The following SLCO3A1 variants were observed in gnomAD, a reference collection of about 807,000 sequenced individuals.
SLCO3A1 encodes PGE1 transporter.
A neutral mutation model predicts 63.1 loss-of-function variants in SLCO3A1; 27 were observed. The ratio of observed to expected loss-of-function variants is 0.43; its 90% CI spans 0.32 to 0.59. The LOEUF (loss-of-function observed/expected upper bound fraction) is 0.59. SLCO3A1 is among the 20% of genes least tolerant of loss of function. The probability of loss-of-function intolerance (pLI) is 0.09; values close to 1 mark genes in which losing one functional copy is unlikely to be tolerated. For synonymous variants in SLCO3A1, 473 were observed against 409.9 expected (o/e 1.15, Z -1.86); for missense variants, 773 against 945.8 (o/e 0.82, Z 2.40).
chr15:92,061,920 G>T (rs1389788751), intron 2 of SLCO3A1, among the ~76,000 whole-genome samples: 1 of 152,240 alleles, frequency 6.6e-6, no homozygotes, highest in Non-Finnish European at 1.5e-5. Flanking sequence ...TACAGGGCAA[G>T]ATCTGGATTT....
At chr15:92,023,531 G>C (rs1333297108) in intron 2 of SLCO3A1, among the ~76,000 whole-genome samples, 1 of 151,736 alleles carries the variant, frequency 6.6e-6, no homozygotes, top group East Asian at 1.9e-4. Context: ...TGCAGTGGTG[G>C]GATCTCAGCT....
Position 91,853,981 on chromosome 15 carries a change from A to C in SLCO3A1, c.73A>C (p.Arg25=), listed in dbSNP as rs1420300802. The C allele has an allele frequency of 3.9e-6, 6 of 1,522,258 alleles. No homozygotes were observed. Among genetic ancestry groups the C allele is most frequent in the Admixed American group, 2.0e-5 (1 of 49,552 alleles). 94.3% of individuals were successfully genotyped at this position (1,522,258 alleles called of 1,614,324 possible). A position where few individuals can be genotyped will look rare whatever the true frequency, so the allele number is the denominator to read the frequency against. The change falls in exon 1 of 10, where the codon AGG becomes CGG. Residue 25 remains arginine (R), a synonymous_variant. Transcript: ENST00000318445. ...CGAGCTGCAGGGGGACGAGGCGCAG[A>C]GGAACAAGAAAAAGAAAAAGAAGGT... ...SGELQGDEAQ[R]NKKKKKKVSC...
Position 91,941,414 on chromosome 15 carries a change from G to A in SLCO3A1, c.646+24956G>A. On this transcript the variant is annotated intron_variant, in intron 2 of 9. Transcript: ENST00000318445. This position sits in a 1 kb window ranked among gnomAD's most constrained non-coding sequence, Gnocchi z 4.4. ...GCCACCCAGCAGATCTGTGTCACGGGAGTGGCGCTGTCACTCGTTGAGGTG... is the reference window on the plus strand; with the variant it reads ...GCCACCCAGCAGATCTGTGTCACGGAAGTGGCGCTGTCACTCGTTGAGGTG... 1 of 406,522 alleles carries A rather than the reference G, an allele frequency of 2.5e-6. No individual in the cohort carries two copies. Among genetic ancestry groups the A allele is most frequent in the Admixed American group, 2.9e-5 (1 of 34,344 alleles). The allele number at this position is 406,522 out of a possible 1,614,324, so 25.2% of individuals were successfully genotyped here.
intron 1 of SLCO3A1, among the ~76,000 whole-genome samples, chr15:91,879,829 C>A (rs1053473850): frequency 1.3e-5 from 2 of 152,178 alleles, no homozygotes; most frequent in Non-Finnish European, 2.9e-5. Context: ...TCAATTCTGA[C>A]ATGCAACCAA....
chr15:91,879,110 G>A (rs12594215), intron 1 of SLCO3A1, among the ~76,000 whole-genome samples: 17,461 of 152,150 alleles, frequency 0.11, 2,724 homozygotes, highest in African/African-American at 0.36. Context: ...GGGTAAGCAC[G>A]CTGAATTCGG....
At chr15:91,964,677 G>A (rs972753048) in intron 2 of SLCO3A1, among the ~76,000 whole-genome samples, 1 of 152,156 alleles carries the variant, frequency 6.6e-6, no homozygotes, top group African/African-American at 2.4e-5. Flanking sequence ...TAGAGAAAGA[G>A]AGTTGAGCAG....
chr15:91,905,740 G>A (rs1409360209), intron 1 of SLCO3A1, among the ~76,000 whole-genome samples: 1 of 151,958 alleles, frequency 6.6e-6, no homozygotes, highest in Non-Finnish European at 1.5e-5. Context: ...ACTTATAAAA[G>A]TCTTGTAAAG....
At chr15:91,981,774 G>A (rs1478169639) in intron 2 of SLCO3A1, among the ~76,000 whole-genome samples, 2 of 152,186 alleles carry the variant, frequency 1.3e-5, no homozygotes, top group Admixed American at 1.3e-4. Flanking sequence ...CTGCCACAGA[G>A]TGTGGACATC....
At chr15:91,949,959 A>G (rs1431416654) in intron 2 of SLCO3A1, among the ~76,000 whole-genome samples, 4 of 152,186 alleles carry the variant, frequency 2.6e-5, no homozygotes, top group Admixed American at 1.3e-4. Flanking sequence ...GTGAGCCCTC[A>G]TGGTGCTACT....
intron 6 of SLCO3A1, among the ~76,000 whole-genome samples, chr15:92,128,082 G>A (rs1340994764): frequency 6.6e-6 from 1 of 152,114 alleles, no homozygotes; most frequent in Non-Finnish European, 1.5e-5. Context: ...GGGCTGGAGT[G>A]GACTCAGCTC....
At chr15:92,171,719 G>A in intron 10 of SLCO3A1, 2 of 1,198,434 alleles carry the variant, frequency 1.7e-6, no homozygotes, top group East Asian at 2.5e-5. Context: ...CAAACAGTAG[G>A]TGAAGCAGAA....
chr15:92,166,070 G>GT (rs1020432277), downstream of SLCO3A1, among the ~76,000 whole-genome samples: 4 of 152,050 alleles, frequency 2.6e-5, no homozygotes, highest in Admixed American at 1.3e-4. Flanking sequence ...GTTTTGTTTT[G>GT]TTTTTCTACC....
intron 2 of SLCO3A1, among the ~76,000 whole-genome samples, chr15:92,090,171 T>G (rs560781498): frequency 6.6e-6 from 1 of 152,364 alleles, no homozygotes; most frequent in East Asian, 1.9e-4. Context: ...ATTTCCACAC[T>G]TGGTTTTCTC....
At chr15:91,965,866 G>A (rs1309574126) in intron 2 of SLCO3A1, among the ~76,000 whole-genome samples, 1 of 152,114 alleles carries the variant, frequency 6.6e-6, no homozygotes, top group Non-Finnish European at 1.5e-5. Flanking sequence ...AGTCGATTGA[G>A]CCAGTCCAGC....
chr15:91,997,121 G>A (rs543108970), intron 2 of SLCO3A1, among the ~76,000 whole-genome samples: 1 of 152,114 alleles, frequency 6.6e-6, no homozygotes, highest in African/African-American at 2.4e-5. Flanking sequence ...CCACCCGAAG[G>A]TCCCTGGAAA....
At chr15:92,050,771 C>G (rs761482707) in intron 2 of SLCO3A1, among the ~76,000 whole-genome samples, 9 of 152,162 alleles carry the variant, frequency 5.9e-5, no homozygotes, top group Non-Finnish European at 1.2e-4. Context: ...AGGATAGAAC[C>G]CTGACTGCTT....
intron 2 of SLCO3A1, among the ~76,000 whole-genome samples, chr15:92,084,778 C>A (rs1205404522): frequency 6.6e-6 from 1 of 152,198 alleles, no homozygotes; most frequent in Non-Finnish European, 1.5e-5. Flanking sequence ...CCATGCTACA[C>A]TTTGACAAAG....
intron 2 of SLCO3A1, among the ~76,000 whole-genome samples, chr15:91,949,163 A>T (rs1048915766): frequency 6.6e-6 from 1 of 152,142 alleles, no homozygotes. Flanking sequence ...CTGCACACAG[A>T]TAACTCTGAC....
At chr15:92,136,512 C>G (rs1274967739) in intron 7 of SLCO3A1, among the ~76,000 whole-genome samples, 1 of 152,126 alleles carries the variant, frequency 6.6e-6, no homozygotes, top group Non-Finnish European at 1.5e-5. Flanking sequence ...GGTCTCTAGC[C>G]TTCTTGTAAT....
Sources: allele counts gnomAD v4.1 joint callset (sites outside exome capture counted in the v4.1 genomes callset), GRCh38; gene constraint gnomAD v4.1.1; non-coding constraint Gnocchi (gnomAD v3.1); transcripts MANE v1.5; gene names NCBI Gene and HGNC (gene_info 2026-07-23, HGNC 2026-07-21).